The following DET1 variants were observed in gnomAD, a reference collection of about 807,000 sequenced individuals.
The protein encoded by DET1 is DET1 partner of COP1 E3 ubiquitin ligase.
A neutral mutation model predicts 43.7 loss-of-function variants in DET1; 22 were observed. The observed-to-expected ratio is 0.50, with a 90% CI of 0.36 to 0.72. The LOEUF is 0.72. Among genes scored for constraint, DET1 ranks in the 30% least tolerant of loss-of-function variants. DET1 has a pLI of 0.00. For synonymous variants in DET1, 315 were observed against 266.2 expected (o/e 1.18, Z -1.79); for missense variants, 713 against 713.3 (o/e 1.00, Z 0.00).
intron 1 of DET1, among the ~76,000 whole-genome samples, chr15:88,539,099 CT>C (rs2057026718): frequency 6.8e-6 from 1 of 147,538 alleles, no homozygotes; most frequent in Non-Finnish European, 1.5e-5. Context: ...AGACCGCTCT[CT>C]CTCTCTCTCT....
downstream of DET1, chr15:88,512,317 C>A (rs1411279859): frequency 3.0e-6 from 3 of 984,280 alleles, no homozygotes; most frequent in Non-Finnish European, 3.6e-6. Flanking sequence ...GGAAACAATC[C>A]TGGCAGATAA....
Position 88,504,644 on chromosome 15 carries a change from A to T in DET1, c.*2066-657T>A, listed in dbSNP as rs2056121121. 1.3e-5 allele frequency: 2 copies of T among 152,260 alleles called. No individual in the cohort carries two copies. Among genetic ancestry groups the T allele is most frequent in the South Asian group, 4.1e-4 (2 of 4,824 alleles). The allele number at this position is 152,260 out of a possible 1,614,324, so 9.4% of individuals were successfully genotyped here. A position where few individuals can be genotyped will look rare whatever the true frequency, so the allele number is the denominator to read the frequency against. ...TTCATATGCAAACCAACCAATCCAG[A>T]GCCCACACCTCAAGCACCTTTTTAT... On this transcript the variant is annotated intron_variant and NMD_transcript_variant, in intron 7 of 8. Transcript: ENST00000557842. This position sits in a 1 kb window ranked among gnomAD's most constrained non-coding sequence, Gnocchi z 4.7.
At chr15:88,505,538 C>T (rs1176660407) in intron 7 of DET1, 1 of 152,138 alleles carries the variant, frequency 6.6e-6, no homozygotes, top group African/African-American at 2.4e-5. Flanking sequence ...TCTTAAAAAG[C>T]GCTTACACTG....
intron 1 of DET1, among the ~76,000 whole-genome samples, chr15:88,542,868 C>A (rs1392650932): frequency 6.6e-6 from 1 of 152,096 alleles, no homozygotes; most frequent in Non-Finnish European, 1.5e-5. Context: ...AGACTAGGCA[C>A]TGGAAAAAGG....
At chr15:88,518,668 A>G (rs1006987695) in intron 3 of DET1, among the ~76,000 whole-genome samples, 4 of 152,206 alleles carry the variant, frequency 2.6e-5, no homozygotes, top group African/African-American at 7.2e-5. Flanking sequence ...ATTCAAGCAT[A>G]TCATATGGTT....
intron 7 of DET1, chr15:88,505,441 T>A (rs894346687): frequency 2.6e-5 from 4 of 152,234 alleles, no homozygotes; most frequent in African/African-American, 9.6e-5. Context: ...TTTACTAATA[T>A]CAAATTAACC....
chr15:88,539,898 A>G (rs1047292807), intron 1 of DET1, among the ~76,000 whole-genome samples: 8 of 152,082 alleles, frequency 5.3e-5, no homozygotes, highest in Non-Finnish European at 1.0e-4. Context: ...TTCCTTGCTC[A>G]CCTTTTTTGT....
At chr15:88,524,091 G>A (rs1013957527) in intron 3 of DET1, among the ~76,000 whole-genome samples, 13 of 144,758 alleles carry the variant, frequency 9.0e-5, no homozygotes, top group Admixed American at 2.1e-4. Context: ...CTGCCCCGCC[G>A]CCCCATCTGG....
chr15:88,517,036 A>G, intron 3 of DET1, 63 bp from the exon 4 acceptor site: 2 of 1,213,206 alleles, frequency 1.6e-6, no homozygotes, highest in Non-Finnish European at 2.3e-6. Flanking sequence ...CTTGAATTTT[A>G]AATTGACAAA....
rs567640299 is a variant in DET1 at position 88,516,688 on chromosome 15, C to T, written c.1463+94G>A. 1.8e-6 allele frequency: 2 copies of T among 1,113,144 alleles called. No homozygotes were observed. Among genetic ancestry groups the T allele is most frequent in the South Asian group, 2.0e-5 (1 of 49,612 alleles). 69.0% of individuals were successfully genotyped at this position (1,113,144 alleles called of 1,614,324 possible). A position where few individuals can be genotyped will look rare whatever the true frequency, so the allele number is the denominator to read the frequency against. On this transcript the variant is annotated intron_variant, in intron 4 of 4. Transcript: ENST00000268148. This position sits in a 1 kb window ranked among gnomAD's most constrained non-coding sequence, Gnocchi z 4.4. The stretch of plus-strand genomic sequence containing the variant: ...CAACCTTACCCATGAGTACGAGTCA[C>T]AGTCACAATCAAATGATGTCCAGAA...
At chr15:88,533,151 T>C (rs574278597) in intron 1 of DET1, among the ~76,000 whole-genome samples, 2 of 152,332 alleles carry the variant, frequency 1.3e-5, no homozygotes, top group African/African-American at 4.8e-5. Flanking sequence ...ATTTCTCCTA[T>C]ACAAATGGCC....
intron 1 of DET1, among the ~76,000 whole-genome samples, chr15:88,538,866 C>G (rs1424885633): frequency 6.6e-6 from 1 of 152,168 alleles, no homozygotes; most frequent in African/African-American, 2.4e-5. Flanking sequence ...TCAGGTAGGT[C>G]AGATTTGACT....
In DET1 at chr15:88,531,387, T is replaced by C; in HGVS notation, c.319A>G (p.Asn107Asp). 3 of 1,614,036 alleles carry C rather than the reference T, an allele frequency of 1.9e-6. No individual in the cohort carries two copies. Among genetic ancestry groups the C allele is most frequent in the Non-Finnish European group, 2.5e-6 (3 of 1,179,894 alleles). ...LQGYEGEILS[N>D]GNDQRSVNIR... ...TTCACTGACCGCTGGTCATTGCCAT[T>C]GGACAGGATTTCTCCTTCGTATCCC... The change falls in exon 2 of 5, where the codon AAT (asparagine) becomes GAT (aspartate). Residue 107 changes from asparagine (N) to aspartate (D), a missense_variant. Coordinates refer to ENST00000268148, the MANE Select transcript of DET1 (RefSeq NM_001144074.3). The surrounding 1 kb of genome is among the most constrained non-coding windows in gnomAD (Gnocchi z 6.2).
intron 1 of DET1, among the ~76,000 whole-genome samples, chr15:88,535,437 AG>A (rs1171411435): frequency 1.2e-3 from 147 of 120,112 alleles, no homozygotes; most frequent in African/African-American, 3.7e-3. Flanking sequence ...TAGAATGCTA[AG>A]AAAAAAAAAA....
rs931063321 is a variant in DET1 at position 88,541,395 on chromosome 15, G to A, written c.-11+5145C>T. 2.0e-3 allele frequency among the ~76,000 whole-genome samples: 302 copies of A among 151,278 alleles called. 1 individual carries two copies. Among genetic ancestry groups the A allele is most frequent in the Non-Finnish European group, 3.9e-3 (263 of 67,790 alleles). ...TGGCGGGATCCTCCATATGCTGAAC[G>A]CTGGTTCCCCGGGTCCCCTTATTTC... On this transcript the variant is annotated intron_variant, in intron 1 of 4. Coordinates refer to ENST00000268148, the MANE Select transcript of DET1 (RefSeq NM_001144074.3).
chr15:88,522,549 C>A (rs1274852222), intron 3 of DET1, among the ~76,000 whole-genome samples: 1 of 90,146 alleles, frequency 1.1e-5, no homozygotes, highest in African/African-American at 4.5e-5. Flanking sequence ...TCGTTCTGTA[C>A]CCAGGCTGCA....
intron 3 of DET1, among the ~76,000 whole-genome samples, 177 bp from the exon 4 acceptor site, chr15:88,517,150 T>C (rs182933118): frequency 9.5e-4 from 144 of 151,840 alleles, no homozygotes; most frequent in African/African-American, 3.4e-3. Context: ...CAGCTACAAA[T>C]ACTTTTAAAA....
In DET1 at chr15:88,516,144, C is replaced by T. The variant is rs904685728; in HGVS notation, c.1463+638G>A. 1.3e-5 allele frequency among the ~76,000 whole-genome samples: 2 copies of T among 152,006 alleles called. No homozygotes were observed. Among genetic ancestry groups the T allele is most frequent in the African/African-American group, 4.8e-5 (2 of 41,388 alleles). The stretch of plus-strand genomic sequence containing the variant: ...CCAGCCTATAGCCTCAGGAACACAC[C>T]CCCCTTGAGATAACTCCACTAGTGA... On this transcript the variant is annotated intron_variant, in intron 4 of 4. Transcript: ENST00000268148. This position sits in a 1 kb window ranked among gnomAD's most constrained non-coding sequence, Gnocchi z 4.4.
intron 3 of DET1, among the ~76,000 whole-genome samples, chr15:88,517,415 G>A (rs981580828): frequency 2.2e-4 from 33 of 151,544 alleles, no homozygotes; most frequent in African/African-American, 7.5e-4. Flanking sequence ...TTATAGAGAT[G>A]GGATTTTGCC....
Sources: gnomAD v4.1 joint callset for allele counts (sites outside exome capture counted in the v4.1 genomes callset) on GRCh38, gnomAD v4.1.1 for gene constraint, Gnocchi (gnomAD v3.1) non-coding constraint, MANE v1.5 for transcripts, NCBI Gene and HGNC (gene_info 2026-07-23, HGNC 2026-07-21) for gene names.